Variants in CIAPIN1 observed in about 807,000 individuals in gnomAD.
CIAPIN1 encodes the protein anamorsin.
CIAPIN1 carries 18 observed loss-of-function variants against 34.3 expected under a neutral mutation model. That is an observed-to-expected ratio of 0.52 (90% CI 0.36 to 0.78). The LOEUF is 0.78. Among genes scored for constraint, CIAPIN1 ranks in the 30% least tolerant of loss-of-function variants. The pLI is 0.00. For missense variants in CIAPIN1, 310 were observed against 372.5 expected (o/e 0.83, Z 1.38); for synonymous variants, 131 against 140.4 (o/e 0.93, Z 0.47).
chr16:57,445,834 G>GTTTTTTT (rs751037117), intron 1 of CIAPIN1, among the ~76,000 whole-genome samples: 2 of 70,448 alleles, frequency 2.8e-5, no homozygotes, highest in Non-Finnish European at 5.0e-5. Flanking sequence ...GACCTTAGAG[G>GTTTTTTT]TTTTTTTTTT....
intron 1 of CIAPIN1, 21 bp from the exon 2 acceptor site, chr16:57,441,004 A>G (rs1772040046): frequency 6.8e-7 from 1 of 1,466,246 alleles, no homozygotes; most frequent in African/African-American, 1.4e-5. Context: ...ACAAAGTGCA[A>G]TTTAATCTGT....
At chr16:57,430,517 A>G in intron 7 of CIAPIN1, 178 bp from the exon 8 acceptor site, 1 of 616,178 alleles carries the variant, frequency 1.6e-6, no homozygotes, top group South Asian at 1.9e-5. Context: ...CAGAAGTGGG[A>G]GGAGGATGAG....
chr16:57,431,231 T>C lies in CIAPIN1; in HGVS notation c.666A>G (p.Glu222=). Reference sequence around the variant, plus strand: ...AAGCTGGATCTGGCTTCTTCAAATCTTCTGGATCCAGCAGCTCATCTGAGT... The same window carrying C: ...AAGCTGGATCTGGCTTCTTCAAATCCTCTGGATCCAGCAGCTCATCTGAGT... The part of the protein sequence containing the change: ...LIDSDELLDP[E]DLKKPDPASL... Residue 222 remains glutamate (E), a synonymous_variant, in exon 7 of 9, where the codon GAA becomes GAG. Coordinates refer to ENST00000394391, the MANE Select transcript of CIAPIN1 (RefSeq NM_020313.4). 6.2e-7 allele frequency: 1 copy of C among 1,613,830 alleles called. No homozygotes were observed. Among genetic ancestry groups the C allele is most frequent in the Non-Finnish European group, 8.5e-7 (1 of 1,179,834 alleles).
intron 1 of CIAPIN1, among the ~76,000 whole-genome samples, chr16:57,443,243 G>A (rs964782110): frequency 6.6e-6 from 1 of 150,902 alleles, no homozygotes; most frequent in South Asian, 2.1e-4. Flanking sequence ...GGGTTCAAGC[G>A]ATTCTCACGC....
chr16:57,437,512 TTTA>T (rs145423746), intron 3 of CIAPIN1, among the ~76,000 whole-genome samples: 23 of 150,044 alleles, frequency 1.5e-4, no homozygotes, highest in East Asian at 9.8e-4. Context: ...GTGATATTAT[TTTA>T]TTATTATTAT....
At chr16:57,439,455 A>G in intron 2 of CIAPIN1, 121 bp from the exon 3 acceptor site, 2 of 946,416 alleles carry the variant, frequency 2.1e-6, no homozygotes, top group Non-Finnish European at 3.2e-6. Context: ...CTCGATATCC[A>G]TCCAAGAAGC....
In CIAPIN1 at chr16:57,444,921, C is replaced by T. The variant is rs539502402; in HGVS notation, c.-56+2421G>A. Among the ~76,000 whole-genome samples the T allele has an allele frequency of 3.9e-5, 6 of 152,314 alleles. No homozygotes were observed. In the East Asian group the frequency reaches 9.6e-4, roughly 24 times the overall value. ...ATAATAAGAGGTAGCATCATTGTCA[C>T]GTCACTGAGCTTGTTGGGTACCTCT... On this transcript the variant is annotated intron_variant, in intron 1 of 8. Transcript: ENST00000394391.
At chr16:57,438,976 C>T (rs1903265099) in intron 3 of CIAPIN1, among the ~76,000 whole-genome samples, 1 of 152,214 alleles carries the variant, frequency 6.6e-6, no homozygotes, top group African/African-American at 2.4e-5. Flanking sequence ...CAGTTTCCTT[C>T]TATTTTATTA....
At chr16:57,440,407 C>T (rs1598027960) in intron 2 of CIAPIN1, among the ~76,000 whole-genome samples, 3 of 152,144 alleles carry the variant, frequency 2.0e-5, no homozygotes, top group South Asian at 2.1e-4. Context: ...ACACCCTATT[C>T]GTACACTCCC....
intron 4 of CIAPIN1, 146 bp from the exon 5 acceptor site, chr16:57,434,358 TCA>T: frequency 1.4e-6 from 1 of 707,354 alleles, no homozygotes; most frequent in East Asian, 2.7e-5. Context: ...TGCCTCACAT[TCA>T]GTTTCTCACT....
chr16:57,431,872 C>A (rs1397904518), intron 6 of CIAPIN1, among the ~76,000 whole-genome samples: 1 of 152,166 alleles, frequency 6.6e-6, no homozygotes, highest in Non-Finnish European at 1.5e-5. Flanking sequence ...ATGGAACAGT[C>A]AGCAACTTGC....
intron 2 of CIAPIN1, among the ~76,000 whole-genome samples, 162 bp downstream of exon 2, chr16:57,440,610 G>C (rs1017392651): frequency 2.0e-5 from 3 of 152,084 alleles, no homozygotes; most frequent in African/African-American, 7.2e-5. Flanking sequence ...ATTATTGGGG[G>C]TGGTTCCTCC....
rs1903112402 is a variant in CIAPIN1, at chr16:57,432,573, A to G, written c.557-13T>C. 1.5e-5 allele frequency: 24 copies of G among 1,609,022 alleles called. No homozygotes were observed. The highest frequency in any genetic ancestry group is 2.0e-5 in the Non-Finnish European group (24 of 1,178,036). ...ACAGCAGGTTTCACTGAGTCCAAGC[A>G]ATAAAAGAAAAAACTCCATAAACAC... is the stretch of plus-strand genomic sequence containing the variant. On this transcript the variant is annotated splice_polypyrimidine_tract_variant and intron_variant, in intron 5 of 8. Transcript: ENST00000394391.
chr16:57,446,486 C>A (rs1166103000), intron 1 of CIAPIN1, among the ~76,000 whole-genome samples: 3 of 152,196 alleles, frequency 2.0e-5, no homozygotes, highest in African/African-American at 7.2e-5. Flanking sequence ...GGTCTGACTG[C>A]AAACACAAAA....
At chr16:57,442,476 C>T (rs958923856) in intron 1 of CIAPIN1, among the ~76,000 whole-genome samples, 3 of 151,992 alleles carry the variant, frequency 2.0e-5, no homozygotes, top group Non-Finnish European at 2.9e-5. Context: ...GCCTGGGCGA[C>T]GTGGTGAAAC....
At chr16:57,439,581 C>T (rs1468202792) in intron 2 of CIAPIN1, among the ~76,000 whole-genome samples, 8 of 152,214 alleles carry the variant, frequency 5.3e-5, no homozygotes, top group Admixed American at 3.3e-4. Flanking sequence ...GGACCCCAAA[C>T]GGAGGGACCG....
chr16:57,446,669 C>T (rs2030084724), intron 1 of CIAPIN1, among the ~76,000 whole-genome samples: 1 of 152,186 alleles, frequency 6.6e-6, no homozygotes, highest in African/African-American at 2.4e-5. Flanking sequence ...ATGAAGGGCA[C>T]CAGCCTTTCC....
intron 8 of CIAPIN1, among the ~76,000 whole-genome samples, chr16:57,429,924 C>T (rs1404391899): frequency 1.3e-5 from 2 of 152,066 alleles, no homozygotes; most frequent in African/African-American, 2.4e-5. Flanking sequence ...GAATTACACA[C>T]GTGAGCCACT....
chr16:57,434,088 G>C lies in CIAPIN1; in HGVS notation c.512C>G (p.Ser171Cys). The change falls in exon 5 of 9, where the codon TCT (serine) becomes TGT (cysteine). Residue 171 changes from serine (S) to cysteine (C), a missense_variant. Ser to Cys is a moderately radical substitution (Grantham distance 112, BLOSUM62 -1). Transcript: ENST00000394391. ...GKKPNFEVGS[S>C]RQLKLSITKK... Reference sequence around the variant, plus strand: ...GGTGATGGAAAGCTTAAGCTGCCTAGAAGAACCCACTTCAAAGTTTGGTTT... The same window carrying C: ...GGTGATGGAAAGCTTAAGCTGCCTACAAGAACCCACTTCAAAGTTTGGTTT... The C allele has an allele frequency of 6.2e-7, 1 of 1,614,168 alleles. No individual in the cohort carries two copies. The highest frequency in any genetic ancestry group is 2.2e-5 in the East Asian group (1 of 44,888).
Sources: gnomAD v4.1 joint callset for allele counts (sites outside exome capture counted in the v4.1 genomes callset) on GRCh38, gnomAD v4.1.1 for gene constraint, MANE v1.5 for transcripts, NCBI Gene and HGNC (gene_info 2026-07-23, HGNC 2026-07-21) for gene names.